The following CNTLN variants were observed in gnomAD, a reference collection of about 807,000 sequenced individuals.
CNTLN encodes centlein.
A neutral mutation model predicts 180.0 loss-of-function variants in CNTLN; 212 were observed. That is an observed-to-expected ratio of 1.18 (90% CI 1.05 to 1.32). The LOEUF (loss-of-function observed/expected upper bound fraction) is 1.32, where lower values mean the gene tolerates loss of function less well. CNTLN is among the 40% of genes most tolerant of loss of function. CNTLN has a pLI of 0.00. For missense variants in CNTLN, 2,095 were observed against 1,610.9 expected (o/e 1.30, Z -5.14); for synonymous variants, 722 against 563.1 (o/e 1.28, Z -3.99).
intron 6 of CNTLN, among the ~76,000 whole-genome samples, chr9:17,275,551 A>G (rs1420821073): frequency 6.6e-6 from 1 of 152,146 alleles, no homozygotes; most frequent in East Asian, 1.9e-4. Context: ...CTGGAACTGC[A>G]TAAAATATTT....
At chr9:17,178,831 A>C (rs1280111575) in intron 2 of CNTLN, among the ~76,000 whole-genome samples, 5 of 152,146 alleles carry the variant, frequency 3.3e-5, no homozygotes, top group African/African-American at 1.2e-4. Context: ...AAGGGCTCCC[A>C]CAGTGCAGCG....
At chr9:17,369,228 C>T (rs887588160) in intron 13 of CNTLN, among the ~76,000 whole-genome samples, 2 of 152,102 alleles carry the variant, frequency 1.3e-5, no homozygotes, top group Admixed American at 6.5e-5. Context: ...CTCCTTCCTG[C>T]TGCCTTGTGA....
intron 2 of CNTLN, among the ~76,000 whole-genome samples, chr9:17,153,197 A>G (rs776021381): frequency 1.3e-5 from 2 of 152,100 alleles, no homozygotes; most frequent in Non-Finnish European, 2.9e-5. Context: ...TGATCCTGTC[A>G]TGATGTTAGC....
chr9:17,388,282 A>G (rs774230569), intron 14 of CNTLN, 29 bp downstream of exon 14: 2 of 1,424,192 alleles, frequency 1.4e-6, no homozygotes, highest in Non-Finnish European at 2.0e-6. Flanking sequence ...TATTGAGCTG[A>G]GCAAGTTAAA....
At chr9:17,267,274 A>G (rs1233883512) in intron 5 of CNTLN, among the ~76,000 whole-genome samples, 1 of 152,042 alleles carries the variant, frequency 6.6e-6, no homozygotes, top group African/African-American at 2.4e-5. Context: ...TCTGTAAAGT[A>G]TTTTATTTCT....
chr9:17,257,649 A>G (rs2132329040), intron 5 of CNTLN, among the ~76,000 whole-genome samples: 1 of 151,452 alleles, frequency 6.6e-6, no homozygotes, highest in East Asian at 1.9e-4. Flanking sequence ...TTGTTTCCTG[A>G]CTTTTTAATG....
At chr9:17,217,482 A>G (rs1350809375) in intron 2 of CNTLN, among the ~76,000 whole-genome samples, 2 of 152,226 alleles carry the variant, frequency 1.3e-5, no homozygotes, top group African/African-American at 2.4e-5. Context: ...TACCAACTGG[A>G]TGGCTGCTCA....
chr9:17,310,408 T>C (rs1819048124), intron 8 of CNTLN, among the ~76,000 whole-genome samples: 1 of 152,182 alleles, frequency 6.6e-6, no homozygotes, highest in Admixed American at 6.5e-5. Context: ...TATAGGTGTT[T>C]GTTTTCACTG....
chr9:17,274,137 T>C (rs1828134537), intron 6 of CNTLN, among the ~76,000 whole-genome samples: 1 of 152,094 alleles, frequency 6.6e-6, no homozygotes, highest in African/African-American at 2.4e-5. Context: ...TTCATTGTTT[T>C]CTTCTAACAT....
intron 16 of CNTLN, among the ~76,000 whole-genome samples, chr9:17,411,898 T>C (rs1056660073): frequency 1.4e-4 from 22 of 152,142 alleles, no homozygotes; most frequent in African/African-American, 4.1e-4. Context: ...GGAGATCACA[T>C]AGGGAACCTG....
intron 18 of CNTLN, among the ~76,000 whole-genome samples, chr9:17,429,633 TC>T (rs1470394823): frequency 2.0e-5 from 3 of 152,002 alleles, no homozygotes; most frequent in African/African-American, 7.2e-5. Context: ...AGAATTATTA[TC>T]CTGTTTTTAT....
At chr9:17,402,806 C>G (rs917611311) in intron 15 of CNTLN, among the ~76,000 whole-genome samples, 18 of 151,762 alleles carry the variant, frequency 1.2e-4, no homozygotes. Flanking sequence ...TGGACTGAAG[C>G]TACACCATTA....
At chr9:17,272,072 GTCCTTTCTTTCCT>G (rs1263518744) in intron 5 of CNTLN, among the ~76,000 whole-genome samples, 10 of 110,740 alleles carry the variant, frequency 9.0e-5, no homozygotes, top group African/African-American at 2.6e-4. Flanking sequence ...TTTCCTTTCT[GTCCTTTCTTTCCT>G]TCCTTTCTTT....
rs1413687234 is a variant in CNTLN at position 17,390,279 on chromosome 9, A to C, written c.2079+2026A>C. ...TTTGGAGACAGAGTCTTGCTCTGTC[A>C]CCCAGGCTGGAGTACAGTGGGCAGT... On this transcript the variant is annotated intron_variant, in intron 14 of 25. Coordinates refer to ENST00000380647, the MANE Select transcript of CNTLN (RefSeq NM_017738.4). Among the ~76,000 whole-genome samples the C allele has an allele frequency of 3.6e-5, 4 of 110,262 alleles. No homozygotes were observed. In the Admixed American group the frequency reaches 5.8e-4, roughly 16 times the overall value. 72.3% of individuals were successfully genotyped at this position (110,262 alleles called of 152,430 possible).
chr9:17,462,414 C>A (rs1831508868), intron 19 of CNTLN, among the ~76,000 whole-genome samples: 1 of 151,698 alleles, frequency 6.6e-6, no homozygotes, highest in African/African-American at 2.4e-5. Context: ...GGCCTGGGAA[C>A]TGAAATTTAC....
At chr9:17,299,090 A>C in intron 7 of CNTLN, 1 of 288,600 alleles carries the variant, frequency 3.5e-6, no homozygotes, top group Non-Finnish European at 5.2e-6. Flanking sequence ...AAAAATACAA[A>C]AAGTTAGCTG....
chr9:17,307,140 A>G (rs1020677028), intron 7 of CNTLN, among the ~76,000 whole-genome samples: 1 of 152,214 alleles, frequency 6.6e-6, no homozygotes, highest in Non-Finnish European at 1.5e-5. Flanking sequence ...ATGAGAAGGG[A>G]AAGTATAAAT....
intron 23 of CNTLN, among the ~76,000 whole-genome samples, chr9:17,481,361 C>G (rs1267593291): frequency 6.6e-6 from 1 of 152,208 alleles, no homozygotes; most frequent in East Asian, 1.9e-4. Flanking sequence ...AACCAGGGAG[C>G]TCAAGCGCAG....
intron 15 of CNTLN, among the ~76,000 whole-genome samples, chr9:17,402,102 G>A (rs562917153): frequency 2.0e-5 from 3 of 151,796 alleles, no homozygotes; most frequent in African/African-American, 7.3e-5. Flanking sequence ...AGCATGACAA[G>A]AACCACATAT....
Sources: gnomAD v4.1 joint callset for allele counts (sites outside exome capture counted in the v4.1 genomes callset) on GRCh38, gnomAD v4.1.1 for gene constraint, MANE v1.5 for transcripts, NCBI Gene and HGNC (gene_info 2026-07-23, HGNC 2026-07-21) for gene names.